MCTP2: variants seen among roughly 807,000 people sequenced by gnomAD.
The protein encoded by MCTP2 is multiple C2 and transmembrane domain-containing protein 2.
Under a neutral mutation model 111.6 loss-of-function variants are expected in MCTP2, and 132 were observed. The observed-to-expected ratio is 1.18, with a 90% CI of 1.03 to 1.37. The LOEUF is 1.37. Ranked by LOEUF, MCTP2 falls within the 40% of genes most tolerant of loss-of-function variation. The pLI is 0.00. For missense variants in MCTP2, 1,183 were observed against 1,067.9 expected (o/e 1.11, Z -1.50); for synonymous variants, 395 against 387.7 (o/e 1.02, Z -0.22).
chr15:94,358,362 T>C, intron 9 of MCTP2, 120 bp from the exon 10 acceptor site: 1 of 884,658 alleles, frequency 1.1e-6, no homozygotes, highest in Non-Finnish European at 1.7e-6. Context: ...AGTTTACCTT[T>C]ATAAGGGGTG....
At position 94,356,222 on chromosome 15, in the gene MCTP2, A is replaced by G; in HGVS notation, c.1091A>G (p.Glu364Gly). ...GGGATTATAAGTATAACTTTGTTGG[A>G]AGGGAAGAATGTCTCAGGAGGAAGC... The part of the protein sequence containing the change: ...WNGIISITLL[E>G]GKNVSGGSMT... Residue 364 changes from glutamate to glycine, a missense_variant, in exon 9 of 23, where the codon GAA (glutamate) becomes GGA (glycine). Coordinates refer to ENST00000357742, the MANE Select transcript of MCTP2 (RefSeq NM_001385001.1). 6.8e-6 allele frequency: 11 copies of G among 1,613,636 alleles called. No homozygotes were observed. Among genetic ancestry groups the G allele is most frequent in the Non-Finnish European group, 9.3e-6 (11 of 1,179,718 alleles).
chr15:94,376,442 A>G (rs1443024644), intron 12 of MCTP2, among the ~76,000 whole-genome samples: 1 of 152,206 alleles, frequency 6.6e-6, no homozygotes, highest in Non-Finnish European at 1.5e-5. Flanking sequence ...GCAGAGACCC[A>G]TGTGTTAATC....
chr15:94,467,873 C>CAAATGTAGAAATTCAAAATGTAGAAATTG (rs2073528873), intron 20 of MCTP2, among the ~76,000 whole-genome samples: 3 of 151,982 alleles, frequency 2.0e-5, no homozygotes, highest in Non-Finnish European at 4.4e-5. Flanking sequence ...TGGACCTATA[C>CAAATGTAGAAATTCAAAATGTAGAAATTG]AAATGTAGAA....
Position 94,359,845 on chromosome 15 carries a change from G to C in MCTP2, c.1301+1233G>C, listed in dbSNP as rs190037460. Reference sequence around the variant, plus strand: ...TTAGCACAGTGTTTGACTGCTTCTTGTCATTGCCTCATCCCACCTCAGAAT... The same window carrying C: ...TTAGCACAGTGTTTGACTGCTTCTTCTCATTGCCTCATCCCACCTCAGAAT... On this transcript the variant is annotated intron_variant, in intron 10 of 22. Coordinates refer to ENST00000357742, the MANE Select transcript of MCTP2 (RefSeq NM_001385001.1). 6.4e-4 allele frequency among the ~76,000 whole-genome samples: 97 copies of C among 152,196 alleles called. 1 individual carries two copies. Among genetic ancestry groups the C allele is most frequent in the East Asian group, 2.5e-3 (13 of 5,164 alleles).
intron 19 of MCTP2, among the ~76,000 whole-genome samples, chr15:94,454,855 C>T (rs529292674): frequency 6.6e-6 from 1 of 152,220 alleles, no homozygotes; most frequent in Non-Finnish European, 1.5e-5. Context: ...GAGTCTCGCT[C>T]TGTGGCCCAG....
intron 1 of MCTP2, among the ~76,000 whole-genome samples, chr15:94,247,318 G>T (rs993751622): frequency 6.6e-6 from 1 of 152,064 alleles, no homozygotes; most frequent in Non-Finnish European, 1.5e-5. Flanking sequence ...CCAACATGCT[G>T]GGGAATTCCA....
intron 4 of MCTP2, among the ~76,000 whole-genome samples, chr15:94,338,205 A>G (rs900669151): frequency 2.0e-5 from 3 of 151,440 alleles, no homozygotes; most frequent in African/African-American, 7.3e-5. Context: ...CACAGGGGAG[A>G]TACCAGTGAA....
chr15:94,322,937 C>A (rs139082631), intron 4 of MCTP2, among the ~76,000 whole-genome samples: 19 of 152,136 alleles, frequency 1.2e-4, no homozygotes, highest in Non-Finnish European at 2.1e-4. Context: ...ACTTTGCCCA[C>A]GAGGAAACAC....
chr15:94,420,284 A>G (rs1053041308), intron 17 of MCTP2, among the ~76,000 whole-genome samples: 1 of 152,202 alleles, frequency 6.6e-6, no homozygotes, highest in African/African-American at 2.4e-5. Flanking sequence ...ATGGAGATAT[A>G]CAATGAGATT....
At chr15:94,318,490 G>T (rs1462923657) in intron 4 of MCTP2, among the ~76,000 whole-genome samples, 1 of 151,944 alleles carries the variant, frequency 6.6e-6, no homozygotes, top group Admixed American at 6.6e-5. Flanking sequence ...CGCCAGGCTG[G>T]TCTCAAACTC....
rs1478401060 is a variant in MCTP2, at chr15:94,324,783, T to C, written c.637+9146T>C. Among the ~76,000 whole-genome samples the C allele has an allele frequency of 3.9e-5, 6 of 152,328 alleles. No homozygotes were observed. In the East Asian group the frequency reaches 9.6e-4, roughly 24 times the overall value. ...TGTTACATAGCATAATTTTTACTATTATTAAATAATTGTTATCTTATTGTT... is the reference window on the plus strand; with the variant it reads ...TGTTACATAGCATAATTTTTACTATCATTAAATAATTGTTATCTTATTGTT... On this transcript the variant is annotated intron_variant, in intron 4 of 22. Coordinates refer to ENST00000357742, the MANE Select transcript of MCTP2 (RefSeq NM_001385001.1).
chr15:94,254,692 A>G (rs1567282394), intron 1 of MCTP2, among the ~76,000 whole-genome samples: 1 of 152,232 alleles, frequency 6.6e-6, no homozygotes, highest in Non-Finnish European at 1.5e-5. Flanking sequence ...GAAGACACAC[A>G]TTTTATATTC....
At chr15:94,276,262 G>C (rs11074261) in intron 1 of MCTP2, among the ~76,000 whole-genome samples, 111,044 of 152,042 alleles carry the variant, frequency 0.73, 41,215 homozygotes, top group East Asian at 0.98. Context: ...GATTAAAACA[G>C]CAATATAATG....
At chr15:94,368,255 C>A (rs1025654142) in intron 11 of MCTP2, among the ~76,000 whole-genome samples, 1 of 152,148 alleles carries the variant, frequency 6.6e-6, no homozygotes, top group Non-Finnish European at 1.5e-5. Context: ...CATGAAGAAC[C>A]GCTGTTCTGA....
intron 17 of MCTP2, among the ~76,000 whole-genome samples, chr15:94,420,639 A>T (rs1015725431): frequency 1.4e-4 from 21 of 152,268 alleles, no homozygotes; most frequent in African/African-American, 4.6e-4. Context: ...AATTAGAAGT[A>T]GAGCCTGAAA....
intron 17 of MCTP2, among the ~76,000 whole-genome samples, chr15:94,404,827 G>T (rs985389431): frequency 6.6e-6 from 1 of 152,170 alleles, no homozygotes; most frequent in African/African-American, 2.4e-5. Flanking sequence ...TCTGCAAAAT[G>T]TTGGATCCTC....
chr15:94,269,038 TTAA>T (rs2073762886), intron 1 of MCTP2, among the ~76,000 whole-genome samples: 1 of 152,206 alleles, frequency 6.6e-6, no homozygotes, highest in South Asian at 2.1e-4. Flanking sequence ...TTATACTATT[TTAA>T]TAATATTGTT....
At chr15:94,290,090 T>A (rs1017170603) in intron 1 of MCTP2, among the ~76,000 whole-genome samples, 1 of 151,772 alleles carries the variant, frequency 6.6e-6, no homozygotes, top group African/African-American at 2.4e-5. Flanking sequence ...ATGAAAATTT[T>A]AAAAAATGGA....
rs144135866 is a variant in MCTP2 at position 94,482,001 on chromosome 15, T to C, written c.*2967T>C. Reference sequence around the variant, plus strand: ...TTATAAACTTTTAAATTATGTCTTATATTTGAAGTTCTTACCTACATATCA... The same window carrying C: ...TTATAAACTTTTAAATTATGTCTTACATTTGAAGTTCTTACCTACATATCA... On this transcript the variant is annotated 3_prime_UTR_variant, in exon 23 of 23. Coordinates refer to ENST00000357742, the MANE Select transcript of MCTP2 (RefSeq NM_001385001.1). The C allele has an allele frequency of 2.6e-5, 4 of 152,384 alleles. No individual in the cohort carries two copies. Among genetic ancestry groups the C allele is most frequent in the Admixed American group, 1.3e-4 (2 of 15,314 alleles). 9.4% of individuals were successfully genotyped at this position (152,384 alleles called of 1,614,324 possible).
Sources: gnomAD v4.1 joint callset for allele counts (sites outside exome capture counted in the v4.1 genomes callset) on GRCh38, gnomAD v4.1.1 for gene constraint, MANE v1.5 for transcripts, NCBI Gene and HGNC (gene_info 2026-07-23, HGNC 2026-07-21) for gene names.